The following STPG2 variants were observed in gnomAD, a reference collection of about 807,000 sequenced individuals.
The protein encoded by STPG2 is sperm-tail PG-rich repeat-containing protein 2.
STPG2 carries 56 observed loss-of-function variants against 54.2 expected under a neutral mutation model. The ratio of observed to expected loss-of-function variants is 1.03; its 90% CI spans 0.83 to 1.29. The LOEUF (loss-of-function observed/expected upper bound fraction) is 1.29, where lower values mean the gene tolerates loss of function less well. STPG2 is among the 50% of genes most tolerant of loss of function. The pLI, the probability that STPG2 is intolerant of heterozygous loss-of-function variation, is 0.00. For missense variants in STPG2, 596 were observed against 544.9 expected (o/e 1.09, Z -0.93); for synonymous variants, 200 against 181.8 (o/e 1.10, Z -0.81).
chr4:97,946,072 T>C (rs1222280063), intron 7 of STPG2, among the ~76,000 whole-genome samples: 2 of 152,058 alleles, frequency 1.3e-5, no homozygotes, highest in African/African-American at 4.8e-5. Context: ...AAAATAATAA[T>C]AGAAATAAAG....
intron 8 of STPG2, among the ~76,000 whole-genome samples, chr4:97,889,537 A>G (rs928699938): frequency 2.6e-5 from 4 of 152,200 alleles, no homozygotes; most frequent in Non-Finnish European, 5.9e-5. Flanking sequence ...TCTCAAAGAC[A>G]TTATGTTACA....
intron 9 of STPG2, among the ~76,000 whole-genome samples, chr4:97,756,988 G>C (rs1042599400): frequency 4.6e-5 from 7 of 152,078 alleles, no homozygotes; most frequent in Non-Finnish European, 8.8e-5. Context: ...TACAACTGTA[G>C]ATTGTACCCT....
intron 2 of STPG2, among the ~76,000 whole-genome samples, chr4:98,133,606 T>G (rs937129728): frequency 6.6e-6 from 1 of 152,060 alleles, no homozygotes; most frequent in Non-Finnish European, 1.5e-5. Flanking sequence ...ACAAAAACAC[T>G]AACAAGTTGA....
At chr4:97,447,291 C>T (rs556864686) in intron 4 of STPG2, among the ~76,000 whole-genome samples, 1 of 152,286 alleles carries the variant, frequency 6.6e-6, no homozygotes, top group East Asian at 1.9e-4. Flanking sequence ...AATTTGCAGC[C>T]TTACCATGTA....
intron 9 of STPG2, among the ~76,000 whole-genome samples, chr4:97,742,567 C>A (rs28813092): frequency 0.83 from 115,922 of 139,728 alleles, 47,326 homozygotes; most frequent in African/African-American, 0.89. Flanking sequence ...GTGTGTGTGT[C>A]TATATATATA....
chr4:98,017,509 T>C (rs1735998314), intron 5 of STPG2, among the ~76,000 whole-genome samples: 1 of 152,194 alleles, frequency 6.6e-6, no homozygotes, highest in South Asian at 2.1e-4. Flanking sequence ...ACTATCCTGC[T>C]CAGGTTGGGG....
chr4:97,675,889 G>GTATATATACATATATATATAGTGTA (rs1560713626), intron 10 of STPG2, among the ~76,000 whole-genome samples: 8 of 144,808 alleles, frequency 5.5e-5, no homozygotes, highest in Non-Finnish European at 1.2e-4. Context: ...TACAGTATAG[G>GTATATATACATATATATATAGTGTA]TATATATACA....
intron 8 of STPG2, among the ~76,000 whole-genome samples, chr4:97,841,784 G>C (rs1728809535): frequency 6.6e-6 from 1 of 151,652 alleles, no homozygotes; most frequent in African/African-American, 2.4e-5. Context: ...TACCCTCTGT[G>C]TTCCTGAGTT....
chr4:97,946,541 C>T (rs1413681210), intron 7 of STPG2, among the ~76,000 whole-genome samples: 2 of 152,032 alleles, frequency 1.3e-5, no homozygotes, highest in Non-Finnish European at 1.5e-5. Context: ...TTAGATTTGT[C>T]TTTAATCCAT....
intron 4 of STPG2, among the ~76,000 whole-genome samples, chr4:97,486,117 AG>A (rs1160748651): frequency 6.6e-6 from 1 of 151,768 alleles, no homozygotes; most frequent in Non-Finnish European, 1.5e-5. Flanking sequence ...GGCTTAGGCA[AG>A]GATTTTATGA....
intron 5 of STPG2, among the ~76,000 whole-genome samples, chr4:98,053,842 G>T (rs1737403015): frequency 6.6e-6 from 1 of 152,062 alleles, no homozygotes; most frequent in African/African-American, 2.4e-5. Context: ...AGTTATATAT[G>T]ATTTTTTTCA....
At chr4:97,865,720 AG>A (rs1482000109) in intron 8 of STPG2, among the ~76,000 whole-genome samples, 1 of 152,008 alleles carries the variant, frequency 6.6e-6, no homozygotes, top group Non-Finnish European at 1.5e-5. Flanking sequence ...GTGAGGGGGA[AG>A]GGATAGTATT....
intron 8 of STPG2, among the ~76,000 whole-genome samples, chr4:97,935,098 C>A (rs934578788): frequency 6.6e-6 from 1 of 152,106 alleles, no homozygotes; most frequent in Non-Finnish European, 1.5e-5. Context: ...GTGTATGTGT[C>A]CAGGAATTCA....
At chr4:97,884,894 T>A (rs1730506943) in intron 8 of STPG2, among the ~76,000 whole-genome samples, 1 of 152,040 alleles carries the variant, frequency 6.6e-6, no homozygotes, top group Non-Finnish European at 1.5e-5. Flanking sequence ...AAATTTGGTA[T>A]CATAATGACC....
At chr4:98,131,090 G>GT (rs1185486986) in intron 2 of STPG2, among the ~76,000 whole-genome samples, 5 of 151,830 alleles carry the variant, frequency 3.3e-5, no homozygotes, top group African/African-American at 7.3e-5. Flanking sequence ...TATTCATGTG[G>GT]TTTTTTCTGC....
intron 10 of STPG2, among the ~76,000 whole-genome samples, chr4:97,603,857 A>G (rs1733526556): frequency 6.6e-6 from 1 of 151,658 alleles, no homozygotes; most frequent in Admixed American, 6.6e-5. Context: ...GAGTTGCTTA[A>G]TGGATATAAA....
chr4:97,457,198 T>C (rs1402479338), intron 4 of STPG2, among the ~76,000 whole-genome samples: 1 of 152,218 alleles, frequency 6.6e-6, no homozygotes, highest in Non-Finnish European at 1.5e-5. Context: ...TTTGGCAGTA[T>C]TTTAACGAAA....
intron 8 of STPG2, among the ~76,000 whole-genome samples, chr4:97,868,882 C>G (rs909176232): frequency 1.3e-5 from 2 of 151,856 alleles, no homozygotes; most frequent in Non-Finnish European, 2.9e-5. Flanking sequence ...GTCATCCTTA[C>G]ATTTTTTGTT....
intron 7 of STPG2, among the ~76,000 whole-genome samples, chr4:97,969,291 C>G (rs942184471): frequency 3.3e-4 from 50 of 152,202 alleles, no homozygotes; most frequent in African/African-American, 1.2e-3. Flanking sequence ...GATGCACACA[C>G]TATGTCGTAA....
Sources: allele counts gnomAD v4.1 joint callset (sites outside exome capture counted in the v4.1 genomes callset), GRCh38; gene constraint gnomAD v4.1.1; transcripts MANE v1.5; gene names NCBI Gene and HGNC (gene_info 2026-07-23, HGNC 2026-07-21).